LRP1B: variants seen among roughly 807,000 people sequenced by gnomAD.
The protein encoded by LRP1B is LDL receptor related protein 1B, also known as low-density lipoprotein receptor-related protein 1B.
Under a neutral mutation model 556.6 loss-of-function variants are expected in LRP1B, and 217 were observed. That is an observed-to-expected ratio of 0.39 (90% CI 0.35 to 0.44). LRP1B has a LOEUF of 0.44. Ranked by LOEUF, LRP1B falls within the 20% of genes least tolerant of loss-of-function variation. The probability of loss-of-function intolerance (pLI) is 1.00; values close to 1 mark genes in which losing one functional copy is unlikely to be tolerated. For synonymous variants in LRP1B, 2,047 were observed against 1,865.8 expected, an observed-to-expected ratio of 1.10 and a Z score of -2.50; for missense variants, 5,053 against 5,620.8, an observed-to-expected ratio of 0.90 and a Z score of 3.23.
intron 3 of LRP1B, among the ~76,000 whole-genome samples, chr2:141,307,797 G>A (rs1476141576): frequency 1.3e-5 from 2 of 152,126 alleles, no homozygotes; most frequent in African/African-American, 4.8e-5. Flanking sequence ...AGATTCTTGG[G>A]CCTTCAGATA....
At chr2:141,866,751 A>G (rs1698425671) in intron 1 of LRP1B, among the ~76,000 whole-genome samples, 1 of 151,960 alleles carries the variant, frequency 6.6e-6, no homozygotes, top group Admixed American at 6.6e-5. Context: ...AAGGAGAGGA[A>G]ACAAAACTGG....
chr2:140,494,325 C>G (rs1307959905), intron 56 of LRP1B, among the ~76,000 whole-genome samples: 2 of 151,898 alleles, frequency 1.3e-5, no homozygotes, highest in African/African-American at 4.8e-5. Context: ...CTTTTTGTCC[C>G]AGGTCACTAA....
chr2:141,861,336 T>G (rs1045928299), intron 1 of LRP1B, among the ~76,000 whole-genome samples: 2 of 152,156 alleles, frequency 1.3e-5, no homozygotes, highest in African/African-American at 4.8e-5. Context: ...ACATTCAATA[T>G]TCACCAAATG....
chr2:141,158,846 C>A (rs946977459), intron 7 of LRP1B, among the ~76,000 whole-genome samples: 1 of 152,048 alleles, frequency 6.6e-6, no homozygotes, highest in Non-Finnish European at 1.5e-5. Flanking sequence ...ATAACAACAA[C>A]AACAAAATCA....
chr2:141,760,362 G>T (rs941046152), intron 2 of LRP1B, among the ~76,000 whole-genome samples: 15 of 152,142 alleles, frequency 9.9e-5, no homozygotes, highest in Non-Finnish European at 2.1e-4. Context: ...TCTTATGTTT[G>T]TGTGAAAATG....
At chr2:140,350,232 AT>A (rs5834739) in intron 77 of LRP1B, among the ~76,000 whole-genome samples, 5,958 of 152,108 alleles carry the variant, frequency 0.039, 207 homozygotes, top group African/African-American at 0.094. Context: ...GTTCCAGTTT[AT>A]TTTTTCTCAA....
intron 2 of LRP1B, among the ~76,000 whole-genome samples, chr2:141,603,300 A>G (rs973147744): frequency 6.6e-6 from 1 of 152,218 alleles, no homozygotes; most frequent in Non-Finnish European, 1.5e-5. Context: ...TTTTTGAATT[A>G]TAATAGTAAC....
chr2:140,333,551 TG>T (rs1177420375), intron 79 of LRP1B, among the ~76,000 whole-genome samples: 5 of 151,990 alleles, frequency 3.3e-5, no homozygotes, highest in Non-Finnish European at 7.4e-5. Flanking sequence ...TCTAAATGAA[TG>T]GAAAGGTATA....
chr2:141,639,349 T>A, intron 2 of LRP1B, among the ~76,000 whole-genome samples: 1 of 56,100 alleles, frequency 1.8e-5, no homozygotes, highest in South Asian at 9.9e-4. Flanking sequence ...TATATATATA[T>A]ACACACACAC....
At chr2:140,318,871 C>T (rs1684649108) in intron 82 of LRP1B, among the ~76,000 whole-genome samples, 1 of 151,944 alleles carries the variant, frequency 6.6e-6, no homozygotes, top group African/African-American at 2.4e-5. Context: ...TATATGTCTA[C>T]AAACATACAT....
At chr2:141,930,674 G>C (rs1254737889) in intron 1 of LRP1B, among the ~76,000 whole-genome samples, 1 of 151,946 alleles carries the variant, frequency 6.6e-6, no homozygotes, top group Admixed American at 6.6e-5. Context: ...TTGAGATTTA[G>C]ACCAATTTGG....
At chr2:140,726,779 A>G (rs1258198869) in intron 35 of LRP1B, among the ~76,000 whole-genome samples, 1 of 151,966 alleles carries the variant, frequency 6.6e-6, no homozygotes, top group African/African-American at 2.4e-5. Context: ...AAAATATACA[A>G]GTGTAATATG....
intron 83 of LRP1B, among the ~76,000 whole-genome samples, chr2:140,307,057 T>G (rs914311794): frequency 6.6e-6 from 1 of 152,038 alleles, no homozygotes; most frequent in Non-Finnish European, 1.5e-5. Context: ...GTCCCTTACA[T>G]AGCAAAATCT....
chr2:140,961,627 A>AT (rs932383106), intron 18 of LRP1B, among the ~76,000 whole-genome samples: 6 of 151,830 alleles, frequency 4.0e-5, no homozygotes, highest in Admixed American at 2.0e-4. Context: ...ACTCCACACA[A>AT]TTTTTTTTCC....
At chr2:141,366,729 T>C (rs1267571331) in intron 3 of LRP1B, among the ~76,000 whole-genome samples, 2 of 152,224 alleles carry the variant, frequency 1.3e-5, no homozygotes, top group African/African-American at 2.4e-5. Context: ...GCTTTACTTT[T>C]TTCTCAAATG....
At chr2:141,141,364 T>C (rs886440147) in intron 7 of LRP1B, among the ~76,000 whole-genome samples, 5 of 152,174 alleles carry the variant, frequency 3.3e-5, no homozygotes, top group African/African-American at 4.8e-5. Flanking sequence ...AAAATGGTTT[T>C]ATGTGTCAAA....
intron 35 of LRP1B, among the ~76,000 whole-genome samples, chr2:140,764,587 A>G (rs67821876): frequency 0.13 from 19,425 of 152,170 alleles, 1,633 homozygotes; most frequent in Non-Finnish European, 0.18. Context: ...TAAACGTGGC[A>G]ATGATATTTT....
At chr2:141,433,714 A>G (rs759943671) in intron 3 of LRP1B, among the ~76,000 whole-genome samples, 1 of 151,036 alleles carries the variant, frequency 6.6e-6, no homozygotes, top group Non-Finnish European at 1.5e-5. Flanking sequence ...TTTGGCTTTC[A>G]ACTTTATGAC....
chr2:141,073,427 C>A (rs1699699280), intron 7 of LRP1B, among the ~76,000 whole-genome samples: 1 of 151,948 alleles, frequency 6.6e-6, no homozygotes, highest in African/African-American at 2.4e-5. Flanking sequence ...CTTTCTCCAC[C>A]TCTTCTCTCT....
Sources: allele counts gnomAD v4.1 joint callset (sites outside exome capture counted in the v4.1 genomes callset), GRCh38; gene constraint gnomAD v4.1.1; transcripts MANE v1.5; gene names NCBI Gene and HGNC (gene_info 2026-07-23, HGNC 2026-07-21).